MACROD2: variants seen among roughly 807,000 people sequenced by gnomAD.
The protein encoded by MACROD2 is ADP-ribose glycohydrolase MACROD2.
MACROD2 carries 36 observed loss-of-function variants against 70.4 expected under a neutral mutation model. The observed-to-expected ratio is 0.51, with a 90% CI of 0.39 to 0.68. MACROD2 has a LOEUF of 0.68. Among genes scored for constraint, MACROD2 ranks in the 30% least tolerant of loss-of-function variants. The pLI is 0.00. For synonymous variants in MACROD2, 172 were observed against 178.8 expected (o/e 0.96, Z 0.30); for missense variants, 496 against 538.4 (o/e 0.92, Z 0.78).
chr20:14,351,739 G>A (rs2083125016), intron 3 of MACROD2, among the ~76,000 whole-genome samples: 1 of 151,946 alleles, frequency 6.6e-6, no homozygotes, highest in African/African-American at 2.4e-5. Flanking sequence ...TCTTTCTCTT[G>A]TCTTACTGCT....
chr20:14,780,150 C>T (rs2072282113), intron 5 of MACROD2, among the ~76,000 whole-genome samples: 4 of 152,042 alleles, frequency 2.6e-5, no homozygotes, highest in Admixed American at 1.3e-4. Flanking sequence ...CACTTGATAC[C>T]GGGAATTCGA....
At chr20:14,328,306 G>A (rs952821580) in intron 3 of MACROD2, among the ~76,000 whole-genome samples, 2 of 152,152 alleles carry the variant, frequency 1.3e-5, no homozygotes, top group African/African-American at 2.4e-5. Context: ...ATTAAATTCT[G>A]TCTTTCTTCT....
chr20:15,798,388 A>G (rs2063694428), intron 8 of MACROD2, among the ~76,000 whole-genome samples: 1 of 152,070 alleles, frequency 6.6e-6, no homozygotes, highest in South Asian at 2.1e-4. Flanking sequence ...GGATCAGAAC[A>G]CCTACCTGTT....
chr20:14,644,647 T>C (rs926707284), intron 4 of MACROD2, among the ~76,000 whole-genome samples: 13 of 152,174 alleles, frequency 8.5e-5, no homozygotes, highest in African/African-American at 1.7e-4. Flanking sequence ...TAATGAACTA[T>C]CTTGAAACAA....
intron 8 of MACROD2, among the ~76,000 whole-genome samples, chr20:15,826,831 A>G (rs994528611): frequency 1.3e-5 from 2 of 152,212 alleles, no homozygotes; most frequent in African/African-American, 2.4e-5. Flanking sequence ...TGTGTTTGCT[A>G]CGGTCCTTCT....
chr20:15,860,066 C>T (rs575693614), intron 8 of MACROD2, among the ~76,000 whole-genome samples: 5 of 152,192 alleles, frequency 3.3e-5, no homozygotes, highest in African/African-American at 7.2e-5. Context: ...ACCTGGGAGG[C>T]GGAGGTGGCA....
At chr20:14,025,928 A>C (rs1013032734) in intron 2 of MACROD2, among the ~76,000 whole-genome samples, 1 of 152,162 alleles carries the variant, frequency 6.6e-6, no homozygotes, top group Non-Finnish European at 1.5e-5. Context: ...TGATCTGTCT[A>C]ATATTGACAG....
At chr20:15,800,676 G>C (rs950603475) in intron 8 of MACROD2, among the ~76,000 whole-genome samples, 1 of 152,072 alleles carries the variant, frequency 6.6e-6, no homozygotes, top group Non-Finnish European at 1.5e-5. Context: ...CCACCACCCC[G>C]TCTGGGAGGT....
intron 8 of MACROD2, among the ~76,000 whole-genome samples, chr20:15,757,214 G>A (rs566588394): frequency 1.3e-5 from 2 of 152,154 alleles, no homozygotes; most frequent in Admixed American, 1.3e-4. Context: ...TATGCTTCAT[G>A]TCTTTGGAAC....
At chr20:16,035,047 TATAG>T (rs1156267838) in intron 15 of MACROD2, among the ~76,000 whole-genome samples, 9 of 140,566 alleles carry the variant, frequency 6.4e-5, no homozygotes, top group Admixed American at 3.0e-4. Flanking sequence ...TAAAATATAA[TATAG>T]AATATAAAAT....
intron 6 of MACROD2, among the ~76,000 whole-genome samples, chr20:15,300,196 T>C (rs1280282184): frequency 6.6e-6 from 1 of 152,220 alleles, no homozygotes; most frequent in Non-Finnish European, 1.5e-5. Context: ...GCTTTGCTTT[T>C]GTCTCCATAG....
intron 3 of MACROD2, among the ~76,000 whole-genome samples, chr20:14,335,183 T>G (rs569682903): frequency 6.6e-6 from 1 of 152,190 alleles, no homozygotes; most frequent in Non-Finnish European, 1.5e-5. Flanking sequence ...CTCTCTGCAG[T>G]GCACTTGCAT....
chr20:14,180,639 A>G (rs944080237), intron 3 of MACROD2, among the ~76,000 whole-genome samples: 1 of 152,100 alleles, frequency 6.6e-6, no homozygotes, highest in African/African-American at 2.4e-5. Flanking sequence ...AGAGAAAAGT[A>G]AAAGTTGAAG....
At chr20:15,531,039 G>A (rs944635584) in intron 8 of MACROD2, among the ~76,000 whole-genome samples, 3 of 145,212 alleles carry the variant, frequency 2.1e-5, no homozygotes, top group Admixed American at 1.4e-4. Flanking sequence ...GTTGTACATC[G>A]ATGAGTTAAA....
At chr20:15,091,154 C>A (rs1307891019) in intron 5 of MACROD2, among the ~76,000 whole-genome samples, 2 of 151,984 alleles carry the variant, frequency 1.3e-5, no homozygotes, top group Non-Finnish European at 2.9e-5. Flanking sequence ...AGTACTAACA[C>A]CTAGTAACAC....
rs535806797 is a variant in MACROD2, at chr20:14,488,636, A to T, written c.272-4843A>T. On this transcript the variant is annotated intron_variant, in intron 3 of 17. Transcript: ENST00000684519. ...ATACATATATTTATAATTTGTTAAG[A>T]GGAAGTTACTATTAAACATCTAAGT... Among the ~76,000 whole-genome samples the T allele has an allele frequency of 5.3e-5, 8 of 152,274 alleles. No individual in the cohort carries two copies. The South Asian group carries it at 1.7e-3, about 32-fold the overall frequency.
intron 4 of MACROD2, among the ~76,000 whole-genome samples, chr20:14,662,059 AT>A (rs1439851882): frequency 6.6e-6 from 1 of 152,146 alleles, no homozygotes; most frequent in African/African-American, 2.4e-5. Context: ...GTTGGATTGG[AT>A]TCTGGTTCAG....
chr20:15,617,311 A>G (rs75434254), intron 8 of MACROD2, among the ~76,000 whole-genome samples: 7,749 of 151,692 alleles, frequency 0.051, 306 homozygotes, highest in South Asian at 0.11. Flanking sequence ...AGGATGGGGG[A>G]AAAATTTGAT....
chr20:14,492,611 C>T lies in MACROD2; in HGVS notation c.272-868C>T, dbSNP rs539558323. On this transcript the variant is annotated intron_variant, in intron 3 of 17. Coordinates refer to ENST00000684519, the MANE Select transcript of MACROD2 (RefSeq NM_001351661.2). ...AATTATTTTTTTAGTCTTTTGGTAA[C>T]TCAGTTTTCACAAAGAAGGGGAGTT... Among the ~76,000 whole-genome samples the T allele has an allele frequency of 1.3e-3, 204 of 152,202 alleles. 2 individuals are homozygous for T. Among genetic ancestry groups the T allele is most frequent in the Non-Finnish European group, 2.1e-3 (146 of 67,994 alleles).
Sources: gnomAD v4.1 joint callset for allele counts (sites outside exome capture counted in the v4.1 genomes callset) on GRCh38, gnomAD v4.1.1 for gene constraint, MANE v1.5 for transcripts, NCBI Gene and HGNC (gene_info 2026-07-23, HGNC 2026-07-21) for gene names.